Variants in MYO10 observed in about 807,000 individuals in gnomAD.
The protein encoded by MYO10 is myosin X, also known as unconventional myosin-X.
A neutral mutation model predicts 257.3 loss-of-function variants in MYO10; 133 were observed. The observed-to-expected ratio is 0.52, with a 90% CI of 0.45 to 0.60. The LOEUF is 0.60. Ranked by LOEUF, MYO10 falls within the 20% of genes least tolerant of loss-of-function variation. MYO10 has a pLI of 0.00. For synonymous variants in MYO10, 1,104 were observed against 1,028.6 expected (o/e 1.07, Z -1.40); for missense variants, 2,399 against 2,635.7 (o/e 0.91, Z 1.97).
At chr5:16,902,211 A>AT in intron 1 of MYO10, 3 of 642,786 alleles carry the variant, frequency 4.7e-6, no homozygotes, top group Admixed American at 2.6e-5. Flanking sequence ...AGGCCCGGCT[A>AT]ATTTTTTTTT....
chr5:16,805,458 CAAAAAAAAAAAAAAA>C (rs36126574), intron 3 of MYO10, among the ~76,000 whole-genome samples: 55 of 78,344 alleles, frequency 7.0e-4, no homozygotes, highest in African/African-American at 2.3e-3. Flanking sequence ...GACTCCATCT[CAAAAAAAAAAAAAAA>C]AAAAAAAGAA....
Position 16,769,297 on chromosome 5 carries a change from T to C in MYO10, c.931-94A>G, listed in dbSNP as rs541339809. ...GATAATATAAAATTACTAGGTGTTA[T>C]TGAAAAGGCAAAGAAACAAAAAATA... On this transcript the variant is annotated intron_variant, in intron 9 of 40. Coordinates refer to ENST00000513610, the MANE Select transcript of MYO10 (RefSeq NM_012334.3). The C allele has an allele frequency of 6.7e-6, 9 of 1,337,656 alleles. No homozygotes were observed. In the South Asian group the frequency reaches 8.4e-5, roughly 12 times the overall value. 82.9% of individuals were successfully genotyped at this position (1,337,656 alleles called of 1,614,324 possible). A position where few individuals can be genotyped will look rare whatever the true frequency, so the allele number is the denominator to read the frequency against.
At chr5:16,748,322 G>A (rs1445138353) in intron 19 of MYO10, among the ~76,000 whole-genome samples, 1 of 152,076 alleles carries the variant, frequency 6.6e-6, no homozygotes, top group African/African-American at 2.4e-5. Flanking sequence ...TCAGCTCACT[G>A]CAACCTACAC....
At chr5:16,715,901 C>G (rs1561205252) in intron 19 of MYO10, among the ~76,000 whole-genome samples, 2 of 151,886 alleles carry the variant, frequency 1.3e-5, no homozygotes, top group Non-Finnish European at 1.5e-5. Context: ...ACTAAAAATA[C>G]AAAAATCAGC....
intron 2 of MYO10, among the ~76,000 whole-genome samples, chr5:16,828,258 G>C (rs563176389): frequency 6.6e-6 from 1 of 152,104 alleles, no homozygotes. Context: ...AATTGACAAA[G>C]AGAACGTGGT....
At chr5:16,797,882 T>C (rs1020292280) in intron 3 of MYO10, among the ~76,000 whole-genome samples, 2 of 152,244 alleles carry the variant, frequency 1.3e-5, no homozygotes, top group African/African-American at 4.8e-5. Context: ...GTTTGTCCCC[T>C]CCTAAACTTG....
rs1233606350 is a variant in MYO10 at position 16,694,681 on chromosome 5, T to C, written c.3557-67A>G. ...TCAGTCAAGTTGGATGACAACAACA[T>C]GCATAGCAGGTGTTAAGGTCTAGCC... is the stretch of plus-strand genomic sequence containing the variant. On this transcript the variant is annotated intron_variant, in intron 26 of 40. Transcript: ENST00000513610. 11 of 1,584,066 alleles carry C rather than the reference T, an allele frequency of 6.9e-6. No individual in the cohort carries two copies. In the East Asian group the frequency reaches 1.3e-4, roughly 19 times the overall value.
chr5:16,735,923 G>A (rs1025442388), intron 19 of MYO10, among the ~76,000 whole-genome samples: 2 of 152,090 alleles, frequency 1.3e-5, no homozygotes, highest in Admixed American at 1.3e-4. Context: ...CCTCACTAGA[G>A]CTAAATCTCA....
intron 4 of MYO10, among the ~76,000 whole-genome samples, chr5:16,791,545 T>TACACACACACACAC (rs71595985): frequency 5.6e-5 from 2 of 35,604 alleles, no homozygotes; most frequent in Non-Finnish European, 1.3e-4. Flanking sequence ...AATACATACA[T>TACACACACACACAC]ACACACACAC....
chr5:16,673,518 G>A (rs1410417275), intron 36 of MYO10, among the ~76,000 whole-genome samples, 164 bp downstream of exon 36: 1 of 152,032 alleles, frequency 6.6e-6, no homozygotes, highest in African/African-American at 2.4e-5. Context: ...CTCTATATTC[G>A]TGTGGTTGCT....
intron 2 of MYO10, among the ~76,000 whole-genome samples, chr5:16,858,399 T>C (rs1041216416): frequency 4.9e-5 from 7 of 143,816 alleles, no homozygotes; most frequent in Admixed American, 2.8e-4. Context: ...CACTTCAACA[T>C]ACACACACAG....
Position 16,702,966 on chromosome 5 carries a change from T to C in MYO10, c.2469A>G (p.Lys823=), listed in dbSNP as rs2126556247. Reference sequence around the variant, plus strand: ...GTTTCTTCTTTTCTTCCTCTTCCTGTTTCTTCTTTTCTTCTTGCTCCCTTT... The same window carrying C: ...GTTTCTTCTTTTCTTCCTCTTCCTGCTTCTTCTTTTCTTCTTGCTCCCTTT... ...AEKREQEEKK[K]QEEEEKKKRE... The change falls in exon 23 of 41, where the codon AAA becomes AAG. Residue 823 remains lysine, a synonymous_variant. Coordinates refer to ENST00000513610, the MANE Select transcript of MYO10 (RefSeq NM_012334.3). 1.3e-6 allele frequency: 2 copies of C among 1,551,980 alleles called. No individual in the cohort carries two copies. Among genetic ancestry groups the C allele is most frequent in the Non-Finnish European group, 1.7e-6 (2 of 1,147,058 alleles).
intron 3 of MYO10, among the ~76,000 whole-genome samples, chr5:16,812,926 A>ATTT (rs756853883): frequency 1.6e-5 from 2 of 127,964 alleles, no homozygotes; most frequent in Non-Finnish European, 3.3e-5. Flanking sequence ...GGGTGCTTTT[A>ATTT]TTTTTTTTTT....
chr5:16,834,236 T>C (rs765792010), intron 2 of MYO10, among the ~76,000 whole-genome samples: 1 of 152,090 alleles, frequency 6.6e-6, no homozygotes, highest in Non-Finnish European at 1.5e-5. Context: ...ACCTCTCAGG[T>C]CACTTACATT....
intron 1 of MYO10, among the ~76,000 whole-genome samples, chr5:16,924,898 T>A (rs868111646): frequency 7.1e-4 from 107 of 150,174 alleles, no homozygotes; most frequent in African/African-American, 2.5e-3. Context: ...TGGCACGATC[T>A]CTGCTCACTG....
At chr5:16,873,420 T>C (rs760684664) in intron 2 of MYO10, among the ~76,000 whole-genome samples, 25 of 152,156 alleles carry the variant, frequency 1.6e-4, no homozygotes, top group Non-Finnish European at 2.6e-4. Flanking sequence ...TGGGCTGGCG[T>C]TGAGTGTCTG....
chr5:16,809,253 TCCCAAGGGCAC>T (rs1742364459), intron 3 of MYO10, among the ~76,000 whole-genome samples: 1 of 151,752 alleles, frequency 6.6e-6, no homozygotes, highest in African/African-American at 2.4e-5. Flanking sequence ...CGTTCATCTG[TCCCAAGGGCAC>T]CCCAATGCCA....
At chr5:16,878,992 A>G (rs989633801) in intron 1 of MYO10, among the ~76,000 whole-genome samples, 1 of 151,280 alleles carries the variant, frequency 6.6e-6, no homozygotes, top group African/African-American at 2.5e-5. Flanking sequence ...ATTTAAAAAA[A>G]AAAAAGAAAA....
intron 37 of MYO10, among the ~76,000 whole-genome samples, chr5:16,672,088 A>C (rs1736492662): frequency 6.6e-6 from 1 of 152,182 alleles, no homozygotes; most frequent in South Asian, 2.1e-4. Context: ...TGAGGTCAGG[A>C]GTTTGGGACT....
Sources: allele counts gnomAD v4.1 joint callset (sites outside exome capture counted in the v4.1 genomes callset), GRCh38; gene constraint gnomAD v4.1.1; transcripts MANE v1.5; gene names NCBI Gene and HGNC (gene_info 2026-07-23, HGNC 2026-07-21).